The following ZMYND11 variants were observed in gnomAD, a reference collection of about 807,000 sequenced individuals.
ZMYND11 encodes the protein zinc finger MYND-type containing 11.
In ZMYND11, 9 loss-of-function variants were observed where a neutral mutation model predicts 84.9. The observed-to-expected ratio is 0.11, with a 90% CI of 0.06 to 0.18. The LOEUF is 0.18. Among genes scored for constraint, ZMYND11 ranks in the 10% least tolerant of loss-of-function variants. The pLI, the probability that ZMYND11 is intolerant of heterozygous loss-of-function variation, is 1.00. For missense variants in ZMYND11, 409 were observed against 761.0 expected, an observed-to-expected ratio of 0.54 and a Z score of 5.44; for synonymous variants, 250 against 244.1, an observed-to-expected ratio of 1.02 and a Z score of -0.23.
At chr10:203,876 T>A (rs1310825778) in intron 2 of ZMYND11, among the ~76,000 whole-genome samples, 1 of 152,172 alleles carries the variant, frequency 6.6e-6, no homozygotes, top group Non-Finnish European at 1.5e-5. Flanking sequence ...TAGTGTCTTA[T>A]ACCACGATTT....
chr10:250,378 C>T (rs1953173771), intron 14 of ZMYND11, among the ~76,000 whole-genome samples: 1 of 152,164 alleles, frequency 6.6e-6, no homozygotes, highest in African/African-American at 2.4e-5. Flanking sequence ...GCCCGTAGTC[C>T]CAGTGCTTTG....
intron 10 of ZMYND11, 105 bp downstream of exon 10, chr10:242,244 G>GAAA (rs34123561): frequency 0.011 from 14,966 of 1,312,802 alleles, no homozygotes; most frequent in East Asian, 0.028. Context: ...TTTTAAATTG[G>GAAA]AAAAAAAAAA....
intron 14 of ZMYND11, 135 bp downstream of exon 14, chr10:249,223 AGT>A: frequency 6.8e-7 from 1 of 1,481,118 alleles, no homozygotes. Flanking sequence ...GGTCAGCTTT[AGT>A]TTTAAAAATT....
upstream of ZMYND11, among the ~76,000 whole-genome samples, chr10:131,136 A>C (rs1300193902): frequency 6.6e-6 from 1 of 152,180 alleles, no homozygotes; most frequent in Admixed American, 6.5e-5. Context: ...AACAGGGACC[A>C]GGGAGACAGG....
chr10:181,987 G>A (rs1847988689), intron 2 of ZMYND11, among the ~76,000 whole-genome samples: 1 of 152,146 alleles, frequency 6.6e-6, no homozygotes, highest in Non-Finnish European at 1.5e-5. Context: ...ATTGCTTAGA[G>A]AAGAATGTTT....
chr10:221,423 G>C, intron 4 of ZMYND11, 67 bp downstream of exon 4: 1 of 1,522,750 alleles, frequency 6.6e-7, no homozygotes, highest in Non-Finnish European at 8.9e-7. Flanking sequence ...GCTTCAAAAA[G>C]ATATCCCAGG....
intron 1 of ZMYND11, among the ~76,000 whole-genome samples, chr10:137,414 T>C (rs1197038536): frequency 6.6e-6 from 1 of 152,204 alleles, no homozygotes; most frequent in African/African-American, 2.4e-5. Context: ...CTGAGTCATA[T>C]GGAGGCAAGA....
At chr10:171,387 A>G (rs1845282941) in intron 1 of ZMYND11, among the ~76,000 whole-genome samples, 1 of 149,904 alleles carries the variant, frequency 6.7e-6, no homozygotes, top group Admixed American at 6.6e-5. Context: ...AAGGTCACAC[A>G]GAACATTCAC....
At chr10:142,441 G>A (rs978676973) in intron 1 of ZMYND11, among the ~76,000 whole-genome samples, 6 of 152,014 alleles carry the variant, frequency 3.9e-5, no homozygotes, top group South Asian at 2.1e-4. Flanking sequence ...TAGGCAATTC[G>A]CATATCCCAT....
At position 221,303 on chromosome 10, in the gene ZMYND11, G is replaced by C. The variant is rs1266712849; in HGVS notation, c.385G>C (p.Asp129His). ...TGTGTATCATTCCAAGTGTTTGTCT[G>C]ATGAGTTCAGGCTTAGAGACAGCAG... ...FRVYHSKCLS[D>H]EFRLRDSSSP... The change falls in exon 4 of 15, where the codon GAT becomes CAT. Residue 129 changes from aspartate (D) to histidine (H), a missense_variant. Physicochemically the swap from Asp to His is moderately conservative, Grantham distance 81. Around this residue, in one of 7 missense-constraint regions of ZMYND11, gnomAD observed 73 missense variants for 185.8 expected, o/e 0.39. Transcript: ENST00000381604. 1 of 1,614,016 alleles carries C rather than the reference G, an allele frequency of 6.2e-7. No individual in the cohort carries two copies. The highest frequency in any genetic ancestry group is 8.5e-7 in the Non-Finnish European group (1 of 1,179,908).
chr10:202,479 T>C (rs1181319423), intron 2 of ZMYND11, among the ~76,000 whole-genome samples: 1 of 152,194 alleles, frequency 6.6e-6, no homozygotes, highest in African/African-American at 2.4e-5. Flanking sequence ...ACACTTCTAA[T>C]ATATACTAGA....
At position 246,755 on chromosome 10, in the gene ZMYND11, G is replaced by A. The variant is rs746005300; in HGVS notation, c.951-11G>A. ...GATGTTTCTAACTATACCTTTATGT[G>A]TTTTTCCTAGGGCCTGGATTCCTTC... On this transcript the variant is annotated splice_polypyrimidine_tract_variant and intron_variant, in intron 10 of 14. Coordinates refer to ENST00000381604, the MANE Select transcript of ZMYND11 (RefSeq NM_001370100.5). 5 of 1,613,648 alleles carry A rather than the reference G, an allele frequency of 3.1e-6. No individual in the cohort carries two copies. The South Asian group carries it at 3.3e-5, about 11-fold the overall frequency.
At chr10:192,216 G>A (rs1230889140) in intron 2 of ZMYND11, among the ~76,000 whole-genome samples, 1 of 152,136 alleles carries the variant, frequency 6.6e-6, no homozygotes, top group Non-Finnish European at 1.5e-5. Context: ...TACAAATGAA[G>A]AATGAGGCGA....
intron 2 of ZMYND11, among the ~76,000 whole-genome samples, 170 bp downstream of exon 2, chr10:180,298 A>G (rs1847579016): frequency 1.3e-5 from 2 of 152,230 alleles, no homozygotes; most frequent in African/African-American, 4.8e-5. Flanking sequence ...AACATACACA[A>G]ACAACTTGTG....
chr10:222,903 G>A (rs1947380471), intron 4 of ZMYND11, among the ~76,000 whole-genome samples: 1 of 152,102 alleles, frequency 6.6e-6, no homozygotes, highest in Admixed American at 6.6e-5. Flanking sequence ...CTTCTTTGTA[G>A]ATATTTTGTA....
intron 2 of ZMYND11, among the ~76,000 whole-genome samples, chr10:183,469 A>G (rs1187016365): frequency 3.3e-5 from 5 of 152,140 alleles, no homozygotes; most frequent in Non-Finnish European, 7.4e-5. Flanking sequence ...TGTGATGTAC[A>G]TAGCAATTGA....
chr10:173,546 C>T (rs556578158), intron 1 of ZMYND11, among the ~76,000 whole-genome samples: 5 of 152,128 alleles, frequency 3.3e-5, no homozygotes, highest in South Asian at 2.1e-4. Flanking sequence ...CATAATCCTG[C>T]CTCTCCAAAA....
chr10:134,951 C>T (rs1413986124), upstream of ZMYND11: 2 of 149,760 alleles, frequency 1.3e-5, no homozygotes, highest in Non-Finnish European at 3.0e-5. Flanking sequence ...GCCGGGCCGG[C>T]CGCGCGCAAG....
intron 1 of ZMYND11, among the ~76,000 whole-genome samples, chr10:139,437 A>G (rs1240641520): frequency 2.0e-5 from 3 of 152,170 alleles, no homozygotes; most frequent in Admixed American, 6.5e-5. Flanking sequence ...AGTTACTTGC[A>G]GTGCCATTAT....
Sources: allele counts gnomAD v4.1 joint callset (sites outside exome capture counted in the v4.1 genomes callset), GRCh38; gene constraint gnomAD v4.1.1; regional missense constraint gnomAD v4.1.1; transcripts MANE v1.5; gene names NCBI Gene and HGNC (gene_info 2026-07-23, HGNC 2026-07-21).